The following DOCK2 variants were observed in gnomAD, a reference collection of about 807,000 sequenced individuals.
DOCK2 encodes the protein dedicator of cytokinesis 2, also known as dedicator of cytokinesis protein 2.
Under a neutral mutation model 248.9 loss-of-function variants are expected in DOCK2, and 87 were observed. The observed-to-expected ratio is 0.35, with a 90% CI of 0.29 to 0.42. The LOEUF (loss-of-function observed/expected upper bound fraction) is 0.42. DOCK2 is among the 10% of genes least tolerant of loss of function. The pLI is 1.00. For synonymous variants in DOCK2, 805 were observed against 821.6 expected (o/e 0.98, Z 0.35); for missense variants, 1,747 against 2,300.2 (o/e 0.76, Z 4.92).
chr5:169,757,777 C>T (rs554784767), intron 23 of DOCK2, among the ~76,000 whole-genome samples: 1 of 152,072 alleles, frequency 6.6e-6, no homozygotes, highest in Admixed American at 6.5e-5. Flanking sequence ...AGGATATGAA[C>T]ATGCAATTTA....
chr5:169,889,210 A>G (rs1222653900), intron 27 of DOCK2, among the ~76,000 whole-genome samples: 1 of 152,250 alleles, frequency 6.6e-6, no homozygotes, highest in Non-Finnish European at 1.5e-5. Flanking sequence ...AAATATTTGC[A>G]TAACTAATTA....
rs561044154 is a variant in DOCK2, at chr5:169,857,780, A to G, written c.2799+16928A>G. Among the ~76,000 whole-genome samples the G allele has an allele frequency of 2.0e-5, 3 of 152,168 alleles. No homozygotes were observed. In the East Asian group the frequency reaches 5.8e-4, roughly 29 times the overall value. On this transcript the variant is annotated intron_variant, in intron 27 of 51. Transcript: ENST00000520908. Reference sequence around the variant, plus strand: ...GAAAATCACACGTACATAAACCAAAACCACAATAATAGATCATTTAATTCT... The same window carrying G: ...GAAAATCACACGTACATAAACCAAAGCCACAATAATAGATCATTTAATTCT...
intron 27 of DOCK2, among the ~76,000 whole-genome samples, chr5:169,908,963 G>A (rs1366236031): frequency 6.6e-6 from 1 of 152,134 alleles, no homozygotes; most frequent in African/African-American, 2.4e-5. Context: ...TATGTCCAAG[G>A]TCACAGAACT....
intron 27 of DOCK2, among the ~76,000 whole-genome samples, chr5:169,850,480 T>C (rs1275055043): frequency 6.6e-6 from 1 of 152,156 alleles, no homozygotes; most frequent in Non-Finnish European, 1.5e-5. Context: ...TATGTGTACC[T>C]GTTTGTGTGT....
At chr5:169,796,020 T>C (rs1766628818) in intron 25 of DOCK2, among the ~76,000 whole-genome samples, 1 of 152,242 alleles carries the variant, frequency 6.6e-6, no homozygotes, top group Non-Finnish European at 1.5e-5. Context: ...GAAGAGTCGA[T>C]TAACCCGTGC....
chr5:169,904,516 G>A (rs1774158840), intron 27 of DOCK2, among the ~76,000 whole-genome samples: 1 of 152,058 alleles, frequency 6.6e-6, no homozygotes, highest in Non-Finnish European at 1.5e-5. Flanking sequence ...GGGCCTGAGG[G>A]AGTGAGGTGG....
At chr5:169,885,094 G>T in intron 27 of DOCK2, among the ~76,000 whole-genome samples, 1 of 152,234 alleles carries the variant, frequency 6.6e-6, no homozygotes, top group South Asian at 2.1e-4. Flanking sequence ...AATTTCTCAG[G>T]CAGCCTTTAC....
At chr5:170,072,327 C>T (rs923797251) in intron 46 of DOCK2, among the ~76,000 whole-genome samples, 4 of 152,064 alleles carry the variant, frequency 2.6e-5, no homozygotes, top group Non-Finnish European at 4.4e-5. Flanking sequence ...CTTTGAGATT[C>T]CTCTGGGTTG....
chr5:169,818,933 G>A (rs1768240667), intron 26 of DOCK2, among the ~76,000 whole-genome samples: 1 of 152,124 alleles, frequency 6.6e-6, no homozygotes, highest in Admixed American at 6.5e-5. Context: ...AATTATTCAT[G>A]CATACTTTAT....
At chr5:169,940,463 T>C (rs1488844478) in intron 27 of DOCK2, among the ~76,000 whole-genome samples, 1 of 152,228 alleles carries the variant, frequency 6.6e-6, no homozygotes, top group Non-Finnish European at 1.5e-5. Flanking sequence ...TTACATTTAT[T>C]GTGCACTTTA....
intron 26 of DOCK2, among the ~76,000 whole-genome samples, chr5:169,832,349 CAT>C (rs1440564352): frequency 2.6e-5 from 4 of 152,330 alleles, no homozygotes; most frequent in Non-Finnish European, 2.9e-5. Context: ...AAGTGCAAGA[CAT>C]GTGTGACAAC....
intron 25 of DOCK2, among the ~76,000 whole-genome samples, chr5:169,786,701 A>G (rs1220526948): frequency 1.3e-5 from 2 of 152,202 alleles, no homozygotes; most frequent in Non-Finnish European, 2.9e-5. Context: ...AAGTTCCAGT[A>G]TAATCCCTTG....
intron 27 of DOCK2, among the ~76,000 whole-genome samples, chr5:169,944,391 A>G (rs1336847381): frequency 6.6e-6 from 1 of 152,190 alleles, no homozygotes; most frequent in East Asian, 1.9e-4. Context: ...TCAAAAATAG[A>G]ACGTGGCAGC....
At chr5:169,847,131 T>C (rs1374980674) in intron 27 of DOCK2, among the ~76,000 whole-genome samples, 1 of 152,216 alleles carries the variant, frequency 6.6e-6, no homozygotes, top group East Asian at 1.9e-4. Context: ...ATGTTGGCAA[T>C]TGCGATTTGT....
chr5:170,039,352 C>CA (rs1428494226), intron 36 of DOCK2, among the ~76,000 whole-genome samples: 3 of 152,194 alleles, frequency 2.0e-5, no homozygotes, highest in African/African-American at 7.2e-5. Flanking sequence ...CTTCACAACA[C>CA]ATATCATCGC....
chr5:169,834,979 G>A (rs898856067), intron 26 of DOCK2, among the ~76,000 whole-genome samples: 3 of 151,996 alleles, frequency 2.0e-5, no homozygotes, highest in Non-Finnish European at 2.9e-5. Flanking sequence ...TTGGGAGATA[G>A]TACTTAAAAA....
At chr5:170,018,081 A>G (rs965803410) in intron 32 of DOCK2, among the ~76,000 whole-genome samples, 1 of 152,230 alleles carries the variant, frequency 6.6e-6, no homozygotes, top group African/African-American at 2.4e-5. Context: ...GGCAGATGTT[A>G]ATCAAACGAT....
At chr5:170,062,956 A>T (rs926725125) in intron 44 of DOCK2, among the ~76,000 whole-genome samples, 9 of 152,020 alleles carry the variant, frequency 5.9e-5, no homozygotes, top group Non-Finnish European at 1.3e-4. Context: ...CACTTCTCAA[A>T]CCTTGCCTCC....
intron 45 of DOCK2, among the ~76,000 whole-genome samples, chr5:170,068,581 G>A (rs1195089053): frequency 1.3e-5 from 2 of 152,154 alleles, no homozygotes; most frequent in Non-Finnish European, 1.5e-5. Flanking sequence ...TCAGCCTTGA[G>A]CAGTGATGGG....
Sources: gnomAD v4.1 joint callset for allele counts (sites outside exome capture counted in the v4.1 genomes callset) on GRCh38, gnomAD v4.1.1 for gene constraint, MANE v1.5 for transcripts, NCBI Gene and HGNC (gene_info 2026-07-23, HGNC 2026-07-21) for gene names.